The following ASMTL variants were observed in gnomAD, a reference collection of about 807,000 sequenced individuals.
ASMTL encodes acetylserotonin O-methyltransferase like, also known as probable bifunctional dTTP/UTP pyrophosphatase/methyltransferase protein.
In ASMTL, 57 loss-of-function variants were observed where a neutral mutation model predicts 60.3. That is an observed-to-expected ratio of 0.95 (90% CI 0.76 to 1.18). The LOEUF is 1.18. ASMTL is among the 50% of genes most tolerant of loss of function. The pLI is 0.00. For missense variants in ASMTL, 981 were observed against 852.6 expected, an observed-to-expected ratio of 1.15 and a Z score of -1.88; for synonymous variants, 419 against 373.0, an observed-to-expected ratio of 1.12 and a Z score of -1.42.
chrX:1,422,729 G>A (rs1462557233), intron 8 of ASMTL, among the ~76,000 whole-genome samples: 6 of 152,028 alleles, frequency 3.9e-5, no homozygotes, highest in Admixed American at 6.6e-5. Context: ...TTTTCCCACC[G>A]AGCTGACCCT....
chrX:1,419,206 C>T, intron 9 of ASMTL, 92 bp from the exon 10 acceptor site: 1 of 1,478,222 alleles, frequency 6.8e-7, no homozygotes, highest in East Asian at 2.4e-5. Context: ...AAGTGCAGGG[C>T]TCCAGAGCGT....
At chrX:1,439,178 C>T (rs370529403) in intron 2 of ASMTL, 34 bp from the exon 3 acceptor site, 22 of 1,612,196 alleles carry the variant, frequency 1.4e-5, no homozygotes, top group African/African-American at 1.1e-4. Flanking sequence ...TTACCGGTGA[C>T]GTGCCGTGGG....
intron 3 of ASMTL, among the ~76,000 whole-genome samples, chrX:1,438,582 C>T (rs777346627): frequency 3.9e-5 from 6 of 152,286 alleles, no homozygotes; most frequent in African/African-American, 7.2e-5. Context: ...GGCGCGATCT[C>T]GGCTCACTGC....
At chrX:1,451,810 C>T (rs1199370719) in intron 1 of ASMTL, among the ~76,000 whole-genome samples, 1 of 147,302 alleles carries the variant, frequency 6.8e-6, no homozygotes. Context: ...TCCCCATCCC[C>T]ATGCCTGGGG....
At position 1,428,011 on chromosome X, in the gene ASMTL, T is replaced by C; in HGVS notation, c.620A>G (p.Gln207Arg). 1 of 1,613,650 alleles carries C rather than the reference T, an allele frequency of 6.2e-7. No individual in the cohort carries two copies. The highest frequency in any genetic ancestry group is 8.5e-7 in the Non-Finnish European group (1 of 1,179,836). Residue 207 changes from glutamine to arginine, a missense_variant, in exon 7 of 13, where the codon CAG becomes CGG. Gln to Arg is a conservative substitution (Grantham distance 43, BLOSUM62 1). Coordinates refer to ENST00000381317, the MANE Select transcript of ASMTL (RefSeq NM_004192.4). ...VGFPLNHFCKQLVKLYYPPRP... is the reference protein window; with the variant it reads ...VGFPLNHFCKRLVKLYYPPRP... ...GGGCGGGTAGTAGAGCTTCACCAGC[T>C]GCTTGCAGAAGTGGTTCAGCGGGAA...
upstream of ASMTL, among the ~76,000 whole-genome samples, chrX:1,453,342 C>T (rs1272787314): frequency 2.6e-5 from 4 of 151,776 alleles, no homozygotes; most frequent in Admixed American, 2.0e-4. Flanking sequence ...GCCACACCCC[C>T]GCCCGCCTCC....
chrX:1,411,919 C>G (rs1201792057), intron 12 of ASMTL, among the ~76,000 whole-genome samples: 1 of 136,442 alleles, frequency 7.3e-6, no homozygotes, highest in African/African-American at 2.7e-5. Context: ...TCAAGCGATT[C>G]TCCTGCCTCA....
At chrX:1,428,613 C>T (rs1218539448) in intron 6 of ASMTL, among the ~76,000 whole-genome samples, 1 of 112,680 alleles carries the variant, frequency 8.9e-6, no homozygotes, top group Non-Finnish European at 2.0e-5. Flanking sequence ...TGCCACTGCA[C>T]TCCAGCCTGG....
intron 3 of ASMTL, 85 bp downstream of exon 3, chrX:1,439,012 T>C (rs1603451613): frequency 4.3e-6 from 6 of 1,411,502 alleles, no homozygotes; most frequent in East Asian, 2.3e-5. Flanking sequence ...TTAAGGGGAA[T>C]GTACAACATC....
rs1246846418 is a variant in ASMTL at position 1,434,405 on chromosome X, G to A, written c.400+617C>T. Among the ~76,000 whole-genome samples, 97 of 151,450 alleles carry A rather than the reference G, an allele frequency of 6.4e-4. 1 individual carries two copies. The highest frequency in any genetic ancestry group is 3.4e-4 in the Non-Finnish European group (23 of 67,884). ...CTGTAGGGGCTGAGGCGGGAGGATC[G>A]CTGGAGCTCAGGAGGTCGAGGCTGC... is the stretch of plus-strand genomic sequence containing the variant. On this transcript the variant is annotated intron_variant, in intron 5 of 12. Coordinates refer to ENST00000381317, the MANE Select transcript of ASMTL (RefSeq NM_004192.4).
rs762518277 is a variant in ASMTL, at chrX:1,427,741, A to G, written c.890T>C (p.Leu297Pro). ...GGAGACAGACACAGGTACCTTGGAT[A>G]GCATAAAGCCCTCAATCAGCTCCAG... is the stretch of plus-strand genomic sequence containing the variant. ...RLLELIEGFM[L>P]SKGLLTACKL... Residue 297 changes from leucine to proline, a missense_variant, in exon 7 of 13, where the codon CTA becomes CCA. Leu to Pro is a moderately conservative substitution (Grantham distance 98). Transcript: ENST00000381317. 1.2e-6 allele frequency: 2 copies of G among 1,605,754 alleles called. No homozygotes were observed. Among genetic ancestry groups the G allele is most frequent in the Non-Finnish European group, 1.7e-6 (2 of 1,174,026 alleles).
chrX:1,443,614 T>G (rs2091169115), intron 1 of ASMTL, among the ~76,000 whole-genome samples: 1 of 149,024 alleles, frequency 6.7e-6, no homozygotes, highest in African/African-American at 2.5e-5. Flanking sequence ...ACCGCCATCG[T>G]GGACAGACAC....
intron 1 of ASMTL, among the ~76,000 whole-genome samples, chrX:1,450,013 A>C (rs2091322558): frequency 7.0e-6 from 1 of 143,020 alleles, no homozygotes; most frequent in African/African-American, 2.7e-5. Flanking sequence ...ACCAGTAACT[A>C]TCTCCCATCA....
intron 11 of ASMTL, among the ~76,000 whole-genome samples, chrX:1,414,426 T>G (rs2090159058): frequency 6.6e-6 from 1 of 152,060 alleles, no homozygotes; most frequent in South Asian, 2.1e-4. Flanking sequence ...ATTTTAAACT[T>G]TAGCATTTCC....
At chrX:1,415,604 T>C (rs1189612148) in intron 11 of ASMTL, among the ~76,000 whole-genome samples, 1 of 151,898 alleles carries the variant, frequency 6.6e-6, no homozygotes, top group Non-Finnish European at 1.5e-5. Context: ...TAGCTGGGAT[T>C]ACAGGCGCCC....
At chrX:1,418,186 A>C in intron 10 of ASMTL, 70 bp from the exon 11 acceptor site, 1 of 1,495,252 alleles carries the variant, frequency 6.7e-7, no homozygotes, top group Non-Finnish European at 9.0e-7. Flanking sequence ...CCAAAGCTCA[A>C]CTGGGGCAGA....
intron 6 of ASMTL, among the ~76,000 whole-genome samples, chrX:1,431,619 A>G (rs1277056185): frequency 6.9e-6 from 1 of 144,606 alleles, no homozygotes; most frequent in Admixed American, 7.0e-5. Flanking sequence ...AGTATATAAT[A>G]CAATATATTA....
intron 11 of ASMTL, among the ~76,000 whole-genome samples, chrX:1,417,506 G>C (rs1223945169): frequency 1.1e-5 from 1 of 88,190 alleles, no homozygotes; most frequent in East Asian, 3.6e-4. Flanking sequence ...CATGCACACA[G>C]ATACAGACAC....
rs2090672959 is a variant in ASMTL at position 1,428,342 on chromosome X, AAAAC to A, written c.510-225_510-222del. 2.6e-5 allele frequency among the ~76,000 whole-genome samples: 4 copies of A among 151,926 alleles called. No individual in the cohort carries two copies. In the South Asian group the frequency reaches 6.2e-4, roughly 24 times the overall value. On this transcript the variant is annotated intron_variant, in intron 6 of 12. Coordinates refer to ENST00000381317, the MANE Select transcript of ASMTL (RefSeq NM_004192.4). ...CATCTCAAAAAAAAAAAAAAAAAGAAAAACAATTTCACAGCAAGGCTGGGCGCAA... is the reference window on the plus strand; with the variant it reads ...CATCTCAAAAAAAAAAAAAAAAAGAAAATTTCACAGCAAGGCTGGGCGCAA...
Sources: gnomAD v4.1 joint callset for allele counts (sites outside exome capture counted in the v4.1 genomes callset) on GRCh38, gnomAD v4.1.1 for gene constraint, MANE v1.5 for transcripts, NCBI Gene and HGNC (gene_info 2026-07-23, HGNC 2026-07-21) for gene names.